EPB41L3: variants seen among roughly 807,000 people sequenced by gnomAD.
EPB41L3 encodes band 4.1-like protein 3.
A neutral mutation model predicts 127.1 loss-of-function variants in EPB41L3; 57 were observed. The ratio of observed to expected loss-of-function variants is 0.45; its 90% confidence interval spans 0.36 to 0.56. EPB41L3 has a LOEUF of 0.56. Ranked by LOEUF, EPB41L3 falls within the 20% of genes least tolerant of loss-of-function variation. EPB41L3 has a pLI of 0.00. For synonymous variants in EPB41L3, 572 were observed against 549.5 expected, an observed-to-expected ratio of 1.04 and a Z score of -0.57; for missense variants, 1,273 against 1,372.2, an observed-to-expected ratio of 0.93 and a Z score of 1.14.
At position 5,434,132 on chromosome 18, in the gene EPB41L3, C is replaced by A. The variant is rs2079389842; in HGVS notation, c.606-11G>T. 6.2e-7 allele frequency: 1 copy of A among 1,611,746 alleles called. No homozygotes were observed. The highest frequency in any genetic ancestry group is 1.1e-5 in the South Asian group (1 of 91,022). On this transcript the variant is annotated splice_polypyrimidine_tract_variant and intron_variant, in intron 6 of 22. Transcript: ENST00000341928. Reference sequence around the variant, plus strand: ...AAGCAGAGGTAGTACCTTCCAGGAACCAAAAGCACAACACAACGAAGGCAG... The same window carrying A: ...AAGCAGAGGTAGTACCTTCCAGGAAACAAAAGCACAACACAACGAAGGCAG...
At chr18:5,441,369 T>C (rs1379464398) in intron 5 of EPB41L3, among the ~76,000 whole-genome samples, 6 of 152,208 alleles carry the variant, frequency 3.9e-5, no homozygotes, top group Non-Finnish European at 7.3e-5. Context: ...AGGTAATACT[T>C]CTCTGCCTTG....
At chr18:5,608,511 C>T (rs1022694158) in intron 3 of EPB41L3, among the ~76,000 whole-genome samples, 3 of 152,062 alleles carry the variant, frequency 2.0e-5, no homozygotes, top group Admixed American at 6.6e-5. Flanking sequence ...TCTTGCACTT[C>T]GCTATTTTTA....
In EPB41L3 at chr18:5,434,019, C is replaced by A; in HGVS notation, c.708G>T (p.Glu236Asp). The A allele has an allele frequency of 6.2e-7, 1 of 1,614,166 alleles. No homozygotes were observed. The highest frequency in any genetic ancestry group is 2.2e-5 in the East Asian group (1 of 44,878). Residue 236 changes from glutamate to aspartate, a missense_variant, in exon 7 of 23, where the codon GAG becomes GAT. Transcript: ENST00000341928. Reference protein sequence around the residue: ...ALLGSYTVQSELGDYDPDECG... With the variant: ...ALLGSYTVQSDLGDYDPDECG... ...ATTCATCTGGGTCATAGTCTCCGAG[C>A]TCTGACTGGACAGTGTAGGAGCCCA...
chr18:5,460,693 T>C (rs1356709395), intron 3 of EPB41L3, among the ~76,000 whole-genome samples: 1 of 151,834 alleles, frequency 6.6e-6, no homozygotes, highest in African/African-American at 2.4e-5. Flanking sequence ...CAGTAGAGAG[T>C]TTAATCTTAA....
At position 5,451,459 on chromosome 18, in the gene EPB41L3, A is replaced by T. The variant is rs192364212; in HGVS notation, c.382-6215T>A. 3.3e-5 allele frequency among the ~76,000 whole-genome samples: 5 copies of T among 152,272 alleles called. No individual in the cohort carries two copies. The East Asian group carries it at 9.7e-4, about 29-fold the overall frequency. On this transcript the variant is annotated intron_variant, in intron 3 of 22. Transcript: ENST00000341928. ...AAGCATTTCCTGTCTTCCCAGACAA[A>T]TGTGATTTCTCTCTCCTTTGGACTT... is the stretch of plus-strand genomic sequence containing the variant.
At chr18:5,520,981 A>G (rs2092967722) in intron 1 of EPB41L3, among the ~76,000 whole-genome samples, 1 of 152,218 alleles carries the variant, frequency 6.6e-6, no homozygotes, top group African/African-American at 2.4e-5. Context: ...TAACCCACAC[A>G]CCACTCCTTA....
chr18:5,486,977 A>T (rs1434917394), intron 2 of EPB41L3, among the ~76,000 whole-genome samples: 2 of 152,228 alleles, frequency 1.3e-5, no homozygotes, highest in Non-Finnish European at 2.9e-5. Flanking sequence ...ATTACTGGAT[A>T]TATGTCCAGA....
At chr18:5,455,209 A>C (rs1370771601) in intron 3 of EPB41L3, among the ~76,000 whole-genome samples, 1 of 152,216 alleles carries the variant, frequency 6.6e-6, no homozygotes, top group Non-Finnish European at 1.5e-5. Flanking sequence ...CTAATGCTGA[A>C]TTTGGAATAG....
chr18:5,572,231 A>G (rs1367281921), intron 3 of EPB41L3, among the ~76,000 whole-genome samples: 2 of 152,180 alleles, frequency 1.3e-5, no homozygotes, highest in Non-Finnish European at 2.9e-5. Flanking sequence ...GATATTTCAT[A>G]TCTTCACGTT....
chr18:5,573,786 G>A (rs921309640), intron 3 of EPB41L3, among the ~76,000 whole-genome samples: 1 of 151,846 alleles, frequency 6.6e-6, no homozygotes, highest in African/African-American at 2.4e-5. Flanking sequence ...ACACAAATAA[G>A]AAAAAATTAA....
At chr18:5,590,566 T>TCACACACA (rs35652184) in intron 3 of EPB41L3, among the ~76,000 whole-genome samples, 1 of 150,050 alleles carries the variant, frequency 6.7e-6, no homozygotes, top group Admixed American at 6.6e-5. Context: ...AACACTATGT[T>TCACACACA]CACACACACA....
At chr18:5,407,575 T>G (rs1310315626) in intron 15 of EPB41L3, 126 bp downstream of exon 15, 1 of 945,828 alleles carries the variant, frequency 1.1e-6, no homozygotes, top group Non-Finnish European at 1.6e-6. Context: ...ACCTACACAC[T>G]GCACCAACAA....
chr18:5,536,529 C>T (rs1002454554), intron 1 of EPB41L3, among the ~76,000 whole-genome samples: 14 of 149,568 alleles, frequency 9.4e-5, no homozygotes, highest in African/African-American at 2.7e-4. Flanking sequence ...TGGCCTGGTG[C>T]GGTGGCTCAC....
chr18:5,444,895 A>G (rs968834653), intron 4 of EPB41L3, among the ~76,000 whole-genome samples: 2 of 152,170 alleles, frequency 1.3e-5, no homozygotes, highest in African/African-American at 2.4e-5. Flanking sequence ...AGGAACCACA[A>G]ATAATTCAAG....
chr18:5,567,235 C>A (rs912707091), intron 3 of EPB41L3: 1 of 152,312 alleles, frequency 6.6e-6, no homozygotes, highest in Non-Finnish European at 1.5e-5. Flanking sequence ...GCAAACCGGC[C>A]CCATCCCCAA....
At chr18:5,439,593 T>C (rs962063378) in intron 5 of EPB41L3, among the ~76,000 whole-genome samples, 7 of 152,212 alleles carry the variant, frequency 4.6e-5, no homozygotes, top group African/African-American at 1.7e-4. Context: ...ATAAAGGATT[T>C]ACCATAGGAC....
Position 5,602,302 on chromosome 18 carries a change from C to T in EPB41L3, c.-306+10038G>A, listed in dbSNP as rs554451205. On this transcript the variant is annotated intron_variant, in intron 3 of 21. Transcript: ENST00000545076. The stretch of plus-strand genomic sequence containing the variant: ...TCCCTCCTGCCAGTATTAATCATAG[C>T]AAAGCTTATATACAAATTGTTTCCC... 2.0e-5 allele frequency among the ~76,000 whole-genome samples: 3 copies of T among 152,276 alleles called. No individual in the cohort carries two copies. In the South Asian group the frequency reaches 6.2e-4, roughly 32 times the overall value.
intron 2 of EPB41L3, among the ~76,000 whole-genome samples, chr18:5,486,547 T>C (rs1284240062): frequency 6.6e-6 from 1 of 152,000 alleles, no homozygotes; most frequent in Non-Finnish European, 1.5e-5. Flanking sequence ...ACAAAGAGCC[T>C]ACAGGATAGT....
chr18:5,626,366 A>T (rs2094923636), intron 1 of EPB41L3, among the ~76,000 whole-genome samples: 1 of 152,356 alleles, frequency 6.6e-6, no homozygotes, highest in South Asian at 2.1e-4. Flanking sequence ...TGAGTATTAC[A>T]TTCCAGTTTT....
Sources: gnomAD v4.1 joint callset for allele counts (sites outside exome capture counted in the v4.1 genomes callset) on GRCh38, gnomAD v4.1.1 for gene constraint, MANE v1.5 for transcripts, NCBI Gene and HGNC (gene_info 2026-07-23, HGNC 2026-07-21) for gene names.